CEP112: variants seen among roughly 807,000 people sequenced by gnomAD.
The protein encoded by CEP112 is centrosomal protein 112.
A neutral mutation model predicts 153.0 loss-of-function variants in CEP112; 127 were observed. The observed-to-expected ratio is 0.83, with a 90% CI of 0.72 to 0.96. The LOEUF (loss-of-function observed/expected upper bound fraction) is 0.96, where lower values mean the gene tolerates loss of function less well. Ranked by LOEUF, CEP112 falls within the 40% of genes least tolerant of loss-of-function variation. CEP112 has a pLI of 0.00. For missense variants in CEP112, 1,089 were observed against 1,101.2 expected (o/e 0.99, Z 0.16); for synonymous variants, 358 against 374.4 (o/e 0.96, Z 0.51).
At chr17:65,679,177 A>G (rs2144199265) in intron 24 of CEP112, among the ~76,000 whole-genome samples, 1 of 81,474 alleles carries the variant, frequency 1.2e-5, no homozygotes, top group Middle Eastern at 0.013. Context: ...TTTTTCAGAA[A>G]ACAGAGGCAA....
chr17:66,085,276 C>G (rs1172630349), intron 8 of CEP112, among the ~76,000 whole-genome samples: 2 of 152,096 alleles, frequency 1.3e-5, no homozygotes, highest in African/African-American at 4.8e-5. Context: ...ACCGTTAGCA[C>G]AATCTAATTT....
chr17:66,146,030 AT>A (rs1374383361), intron 4 of CEP112, among the ~76,000 whole-genome samples: 1 of 152,082 alleles, frequency 6.6e-6, no homozygotes, highest in African/African-American at 2.4e-5. Context: ...ATAATTAAGA[AT>A]TTTAAAATCT....
chr17:66,091,876 T>C (rs1282448891), intron 8 of CEP112, among the ~76,000 whole-genome samples: 1 of 151,872 alleles, frequency 6.6e-6, no homozygotes, highest in Non-Finnish European at 1.5e-5. Context: ...ATACAAAGGA[T>C]CATGAAAGAC....
chr17:65,669,371 G>C (rs2046852937), intron 24 of CEP112, among the ~76,000 whole-genome samples: 1 of 152,114 alleles, frequency 6.6e-6, no homozygotes, highest in African/African-American at 2.4e-5. Context: ...TTACCACAGG[G>C]GTATAAACGT....
intron 20 of CEP112, among the ~76,000 whole-genome samples, chr17:65,899,217 A>G (rs1309244295): frequency 6.6e-6 from 1 of 152,178 alleles, no homozygotes; most frequent in African/African-American, 2.4e-5. Context: ...AATTTCTACA[A>G]GTCTTGATTT....
At chr17:65,687,160 A>ATTTTTTTTTT (rs35675811) in intron 24 of CEP112, among the ~76,000 whole-genome samples, 1 of 90,140 alleles carries the variant, frequency 1.1e-5, no homozygotes, top group Non-Finnish European at 2.0e-5. Context: ...GTTATTATTA[A>ATTTTTTTTTT]TTTTTTTTTT....
chr17:66,154,788 A>G (rs1184399171), intron 4 of CEP112, among the ~76,000 whole-genome samples: 1 of 152,192 alleles, frequency 6.6e-6, no homozygotes, highest in East Asian at 1.9e-4. Context: ...ATTAAAATTA[A>G]TAACATTCAA....
intron 24 of CEP112, among the ~76,000 whole-genome samples, chr17:65,643,473 T>G (rs1187681991): frequency 1.3e-5 from 2 of 151,998 alleles, no homozygotes; most frequent in Non-Finnish European, 2.9e-5. Context: ...AATTTTTTTT[T>G]TTTTTTTAGT....
intron 24 of CEP112, among the ~76,000 whole-genome samples, chr17:65,672,784 G>T (rs528204226): frequency 6.6e-6 from 1 of 152,148 alleles, no homozygotes; most frequent in South Asian, 2.1e-4. Flanking sequence ...AAATGGGAAA[G>T]AAGAGAAAGT....
chr17:66,107,927 T>G (rs569484186), intron 6 of CEP112, among the ~76,000 whole-genome samples: 1 of 152,102 alleles, frequency 6.6e-6, no homozygotes, highest in African/African-American at 2.4e-5. Context: ...CAAAACAGCA[T>G]GGTAGTGGCA....
intron 4 of CEP112, among the ~76,000 whole-genome samples, chr17:66,152,572 A>T (rs554955879): frequency 6.6e-6 from 1 of 152,310 alleles, no homozygotes; most frequent in South Asian, 2.1e-4. Context: ...ATAGACATAA[A>T]GCCAAGGGTA....
intron 20 of CEP112, among the ~76,000 whole-genome samples, chr17:65,884,706 CTTTT>C (rs11370374): frequency 3.1e-4 from 41 of 130,668 alleles, no homozygotes; most frequent in African/African-American, 1.1e-3. Flanking sequence ...TTTGTAGTTT[CTTTT>C]TTTTTTTTCT....
intron 21 of CEP112, among the ~76,000 whole-genome samples, chr17:65,804,143 T>C (rs2055445383): frequency 6.6e-6 from 1 of 152,218 alleles, no homozygotes; most frequent in Admixed American, 6.5e-5. Flanking sequence ...TTGGGATTAA[T>C]TACTTTTAAT....
At chr17:66,107,027 C>T (rs1056379276) in intron 6 of CEP112, among the ~76,000 whole-genome samples, 3 of 151,964 alleles carry the variant, frequency 2.0e-5, no homozygotes, top group African/African-American at 7.2e-5. Context: ...CATAACAACA[C>T]AATGAAGGGC....
At chr17:66,024,042 A>C (rs923470516) in intron 16 of CEP112, among the ~76,000 whole-genome samples, 1 of 152,226 alleles carries the variant, frequency 6.6e-6, no homozygotes, top group Non-Finnish European at 1.5e-5. Flanking sequence ...GTGATTCATC[A>C]CATAAACTGA....
intron 17 of CEP112, among the ~76,000 whole-genome samples, chr17:65,969,818 A>G (rs149457320): frequency 9.4e-4 from 131 of 138,682 alleles, no homozygotes; most frequent in African/African-American, 2.8e-3. Context: ...TATTACCTGC[A>G]TACATATTAC....
chr17:65,951,744 C>A lies in CEP112; in HGVS notation c.1872+9719G>T, dbSNP rs879464433. On this transcript the variant is annotated intron_variant, in intron 18 of 26. Transcript: ENST00000535342. ...AGCTTTCTGCTCTAATCTTCCCCCGCCCCCCCCTTTCTTCCACTTGCTTAG... is the reference window on the plus strand; with the variant it reads ...AGCTTTCTGCTCTAATCTTCCCCCGACCCCCCCTTTCTTCCACTTGCTTAG... 7.6e-5 allele frequency among the ~76,000 whole-genome samples: 8 copies of A among 104,892 alleles called. 1 individual carries two copies. The highest frequency in any genetic ancestry group is 3.3e-4 in the Admixed American group (3 of 8,980). The allele number at this position is 104,892 out of a possible 152,430, so 68.8% of individuals were successfully genotyped here.
intron 6 of CEP112, among the ~76,000 whole-genome samples, chr17:66,120,671 A>G (rs2069533052): frequency 1.3e-5 from 2 of 152,082 alleles, no homozygotes; most frequent in Admixed American, 1.3e-4. Flanking sequence ...GTAATCTCTT[A>G]TTATACTTTG....
chr17:66,117,513 C>T (rs192647445), intron 6 of CEP112, among the ~76,000 whole-genome samples: 1 of 152,226 alleles, frequency 6.6e-6, no homozygotes, highest in East Asian at 1.9e-4. Flanking sequence ...CCCTCTATGC[C>T]TCTGTGAGCT....
Sources: gnomAD v4.1 joint callset for allele counts (sites outside exome capture counted in the v4.1 genomes callset) on GRCh38, gnomAD v4.1.1 for gene constraint, MANE v1.5 for transcripts, NCBI Gene and HGNC (gene_info 2026-07-23, HGNC 2026-07-21) for gene names.